The following ZNF212 variants were observed in gnomAD, a reference collection of about 807,000 sequenced individuals.
ZNF212 encodes the protein zinc finger protein 212.
ZNF212 carries 32 observed loss-of-function variants against 47.3 expected under a neutral mutation model. The observed-to-expected ratio is 0.68, with a 90% CI of 0.51 to 0.91. The LOEUF (loss-of-function observed/expected upper bound fraction) is 0.91. ZNF212 is among the 40% of genes least tolerant of loss of function. The pLI is 0.00. For missense variants in ZNF212, 555 were observed against 622.8 expected, an observed-to-expected ratio of 0.89 and a Z score of 1.16; for synonymous variants, 242 against 253.8, an observed-to-expected ratio of 0.95 and a Z score of 0.44.
rs1563188719 is a variant in ZNF212, at chr7:149,250,205, C to T, written c.71C>T (p.Pro24Leu). The change falls in exon 2 of 5, where the codon CCT becomes CTT. Residue 24 changes from proline to leucine, a missense_variant. Coordinates refer to ENST00000335870, the MANE Select transcript of ZNF212 (RefSeq NM_012256.4). Reference protein sequence around the residue: ...RSTPLTSSTLPSQATEKSSYF... With the variant: ...RSTPLTSSTLLSQATEKSSYF... The stretch of plus-strand genomic sequence containing the variant: ...ACACCTTTAACTTCTTCCACACTTC[C>T]TTCACAAGCAACAGAGAAAAGCTCC... 6.4e-7 allele frequency: 1 copy of T among 1,567,272 alleles called. No homozygotes were observed. The highest frequency in any genetic ancestry group is 8.6e-7 in the Non-Finnish European group (1 of 1,157,288).
intron 1 of ZNF212, among the ~76,000 whole-genome samples, chr7:149,242,555 A>C (rs1236295264): frequency 6.6e-6 from 1 of 152,216 alleles, no homozygotes; most frequent in East Asian, 1.9e-4. Flanking sequence ...ACAAATTAAA[A>C]ATGACAGTTT....
chr7:149,241,739 C>T (rs1796592052), intron 1 of ZNF212, among the ~76,000 whole-genome samples: 1 of 152,164 alleles, frequency 6.6e-6, no homozygotes, highest in Non-Finnish European at 1.5e-5. Flanking sequence ...GGGCATTGGC[C>T]AAACATTCAT....
At chr7:149,243,281 T>C (rs1796622055) in intron 1 of ZNF212, among the ~76,000 whole-genome samples, 1 of 151,680 alleles carries the variant, frequency 6.6e-6, no homozygotes, top group Non-Finnish European at 1.5e-5. Flanking sequence ...TAGTCCCAGC[T>C]TCTTGGGAGG....
chr7:149,252,634 C>T, intron 3 of ZNF212, 72 bp from the exon 4 acceptor site: 2 of 1,404,306 alleles, frequency 1.4e-6, no homozygotes, highest in Non-Finnish European at 2.0e-6. Flanking sequence ...TCATCTTGGT[C>T]ACTGGCAGCT....
chr7:149,250,601 A>G (rs1279083527), intron 2 of ZNF212, 53 bp downstream of exon 2: 1 of 1,605,996 alleles, frequency 6.2e-7, no homozygotes, highest in Non-Finnish European at 8.5e-7. Context: ...CAGCCCTTTA[A>G]TATGTAAGCA....
In ZNF212 at chr7:149,250,563, G is replaced by T. The variant is rs1292980020; in HGVS notation, c.414+15G>T. 47 of 1,605,842 alleles carry T rather than the reference G, an allele frequency of 2.9e-5. No individual in the cohort carries two copies. The highest frequency in any genetic ancestry group is 3.7e-5 in the Non-Finnish European group (44 of 1,175,866). ...AGGCCCCCAAGGTAGTCTCATTGAGGATTAAAAGTTAGAAGAGAAGGGGGA... is the reference window on the plus strand; with the variant it reads ...AGGCCCCCAAGGTAGTCTCATTGAGTATTAAAAGTTAGAAGAGAAGGGGGA... On this transcript the variant is annotated intron_variant, in intron 2 of 4. Transcript: ENST00000335870.
chr7:149,242,045 G>T (rs1222958234), intron 1 of ZNF212, among the ~76,000 whole-genome samples: 1 of 125,246 alleles, frequency 8.0e-6, no homozygotes, highest in Non-Finnish European at 1.6e-5. Flanking sequence ...TTTTTTGAGA[G>T]AGTCTCGCTC....
At chr7:149,251,375 G>C (rs1441670453) in intron 3 of ZNF212, 1 of 157,154 alleles carries the variant, frequency 6.4e-6, no homozygotes, top group African/African-American at 2.4e-5. Context: ...AGTAGAAATG[G>C]GGTTTCACCA....
At position 149,247,847 on chromosome 7, in the gene ZNF212, G is replaced by A. The variant is rs79512440; in HGVS notation, c.25-2312G>A. Among the ~76,000 whole-genome samples the A allele has an allele frequency of 5.6e-3, 856 of 152,272 alleles. 10 individuals carry two copies. The highest frequency in any genetic ancestry group is 0.019 in the African/African-American group (810 of 41,544). ...TTGGTGTAACAGAATACATGAGGCT[G>A]GGTAATTCATGAAGAAAAGAGGTTT... On this transcript the variant is annotated intron_variant, in intron 1 of 4. Coordinates refer to ENST00000335870, the MANE Select transcript of ZNF212 (RefSeq NM_012256.4).
chr7:149,246,949 A>T (rs2129524271), intron 1 of ZNF212, among the ~76,000 whole-genome samples: 1 of 148,254 alleles, frequency 6.7e-6, no homozygotes, highest in South Asian at 2.1e-4. Flanking sequence ...AGTAGCTGGT[A>T]TTACAGGCAT....
At chr7:149,242,460 G>A (rs1330790745) in intron 1 of ZNF212, among the ~76,000 whole-genome samples, 2 of 152,122 alleles carry the variant, frequency 1.3e-5, no homozygotes, top group East Asian at 3.8e-4. Flanking sequence ...ATTGTCAATA[G>A]GCTGAAAGAA....
In ZNF212 at chr7:149,246,890, G is replaced by A. The variant is rs146147458; in HGVS notation, c.25-3269G>A. On this transcript the variant is annotated intron_variant, in intron 1 of 4. Coordinates refer to ENST00000335870, the MANE Select transcript of ZNF212 (RefSeq NM_012256.4). ...TACAATGGTGTGATCTCGGTTCACCGCAACCTCCGCCTCTCAGGTTTAAGT... is the reference window on the plus strand; with the variant it reads ...TACAATGGTGTGATCTCGGTTCACCACAACCTCCGCCTCTCAGGTTTAAGT... 8.1e-3 allele frequency among the ~76,000 whole-genome samples: 1,094 copies of A among 134,254 alleles called. 24 individuals carry two copies. Among genetic ancestry groups the A allele is most frequent in the Admixed American group, 0.058 (684 of 11,872 alleles). The allele number at this position is 134,254 out of a possible 152,430, so 88.1% of individuals were successfully genotyped here.
In ZNF212 at chr7:149,243,453, AAAAAAAGAG is replaced by A. The variant is rs1457387724; in HGVS notation, c.24+3653_24+3661del. On this transcript the variant is annotated intron_variant, in intron 1 of 4. Coordinates refer to ENST00000335870, the MANE Select transcript of ZNF212 (RefSeq NM_012256.4). ...CGTCTCAAAAAAAAAAAAAAAAAAA[AAAAAAAGAG>A]AGAGAGAGAGAGATACAACTAAAAG... Among the ~76,000 whole-genome samples, 10 of 148,914 alleles carry A rather than the reference AAAAAAAGAG, an allele frequency of 6.7e-5. No individual in the cohort carries two copies. In the East Asian group the frequency reaches 1.4e-3, roughly 20 times the overall value.
At chr7:149,246,495 G>A (rs115847268) in intron 1 of ZNF212, among the ~76,000 whole-genome samples, 112 of 151,542 alleles carry the variant, frequency 7.4e-4, no homozygotes, top group African/African-American at 2.4e-3. Context: ...CCATTCTCTC[G>A]CCTCAACCTC....
At chr7:149,247,726 G>A (rs1796697472) in intron 1 of ZNF212, among the ~76,000 whole-genome samples, 1 of 152,098 alleles carries the variant, frequency 6.6e-6, no homozygotes, top group African/African-American at 2.4e-5. Context: ...TGAGTTTTGT[G>A]TTTCTCTCCT....
chr7:149,247,716 T>C (rs993766625), intron 1 of ZNF212, among the ~76,000 whole-genome samples: 1 of 152,220 alleles, frequency 6.6e-6, no homozygotes, highest in Non-Finnish European at 1.5e-5. Context: ...TGGTTCCTTA[T>C]GAGTTTTGTG....
intron 1 of ZNF212, among the ~76,000 whole-genome samples, chr7:149,240,387 C>CCCCA (rs1796570915): frequency 6.7e-6 from 1 of 149,768 alleles, no homozygotes; most frequent in African/African-American, 2.5e-5. Context: ...CCTTCACCCC[C>CCCCA]CCCCCAACAC....
At chr7:149,246,115 G>A (rs1796672429) in intron 1 of ZNF212, among the ~76,000 whole-genome samples, 1 of 152,130 alleles carries the variant, frequency 6.6e-6, no homozygotes, top group African/African-American at 2.4e-5. Flanking sequence ...TTATTTTGGG[G>A]TTCTTGACCT....
At position 149,254,202 on chromosome 7, in the gene ZNF212, T is replaced by C. The variant is rs1796802215; in HGVS notation, c.1275T>C (p.Ser425=). Residue 425 remains serine (S), a synonymous_variant, in exon 5 of 5, where the codon AGT becomes AGC. Coordinates refer to ENST00000335870, the MANE Select transcript of ZNF212 (RefSeq NM_012256.4). This position sits in a 1 kb window ranked among gnomAD's most constrained non-coding sequence, Gnocchi z 4.5. ...PGHIPWRKSR[S]SLICGYCGKS... is the part of the protein sequence containing the mutation. ...ACATCCCTTGGAGGAAAAGCCGGAG[T>C]TCCCTCATCTGTGGTTACTGTGGCA... 3.7e-6 allele frequency: 6 copies of C among 1,614,260 alleles called. No individual in the cohort carries two copies. In the South Asian group the frequency reaches 6.6e-5, roughly 18 times the overall value.
Sources: allele counts gnomAD v4.1 joint callset (sites outside exome capture counted in the v4.1 genomes callset), GRCh38; gene constraint gnomAD v4.1.1; non-coding constraint Gnocchi (gnomAD v3.1); transcripts MANE v1.5; gene names NCBI Gene and HGNC (gene_info 2026-07-23, HGNC 2026-07-21).